The following UBE2F variants were observed in gnomAD, a reference collection of about 807,000 sequenced individuals.
UBE2F encodes ubiquitin conjugating enzyme E2 F (putative).
UBE2F carries 5 observed loss-of-function variants against 29.6 expected under a neutral mutation model. That is an observed-to-expected ratio of 0.17 (90% CI 0.09 to 0.36). The LOEUF is 0.36. Ranked by LOEUF, UBE2F falls within the 10% of genes least tolerant of loss-of-function variation. The pLI is 1.00. For synonymous variants in UBE2F, 66 were observed against 81.8 expected (o/e 0.81, Z 1.04); for missense variants, 141 against 228.5 (o/e 0.62, Z 2.47).
At position 238,019,654 on chromosome 2, in the gene UBE2F, C is replaced by CTT. The variant is rs375103007; in HGVS notation, c.282+3039_282+3040dup. Among the ~76,000 whole-genome samples, 15 of 78,012 alleles carry CTT rather than the reference C, an allele frequency of 1.9e-4. 4 individuals are homozygous for CTT. The highest frequency in any genetic ancestry group is 5.8e-4 in the Admixed American group (3 of 5,130). 51.2% of individuals were successfully genotyped at this position (78,012 alleles called of 152,430 possible). A position where few individuals can be genotyped will look rare whatever the true frequency, so the allele number is the denominator to read the frequency against. On this transcript the variant is annotated intron_variant, in intron 5 of 9. Coordinates refer to ENST00000272930, the MANE Select transcript of UBE2F (RefSeq NM_080678.3). ...GTGCTGGGGAGCCACTGTGCTCAGC[C>CTT]TTTTTTTTTTTTTTTTTTTAATGAG...
intron 2 of UBE2F, among the ~76,000 whole-genome samples, chr2:237,980,670 T>A (rs550843065): frequency 6.6e-6 from 1 of 152,284 alleles, no homozygotes; most frequent in African/African-American, 2.4e-5. Flanking sequence ...AAAGAAACAT[T>A]CTTGGGTCTT....
intron 2 of UBE2F, among the ~76,000 whole-genome samples, chr2:237,981,614 C>CTTTT (rs139270010): frequency 9.6e-5 from 6 of 62,396 alleles, no homozygotes; most frequent in Admixed American, 2.8e-4. Context: ...AATTTGAATT[C>CTTTT]TTTTTTTTTT....
intron 4 of UBE2F, 27 bp downstream of exon 4, chr2:237,994,836 T>A: frequency 6.3e-7 from 1 of 1,595,244 alleles, no homozygotes; most frequent in Non-Finnish European, 8.6e-7. Context: ...AGTATTAAAG[T>A]GATTTCAAAC....
At chr2:238,006,999 G>A (rs1413521942) in intron 4 of UBE2F, among the ~76,000 whole-genome samples, 2 of 152,002 alleles carry the variant, frequency 1.3e-5, no homozygotes, top group African/African-American at 2.4e-5. Context: ...CAGGTGATCC[G>A]CCTGCCTCTG....
chr2:238,032,336 A>G, intron 8 of UBE2F, 82 bp downstream of exon 8: 2 of 1,215,300 alleles, frequency 1.6e-6, no homozygotes, highest in Middle Eastern at 2.3e-4. Context: ...CATGGTTTTA[A>G]CACAAAACCA....
chr2:238,013,867 T>C (rs2064095448), intron 4 of UBE2F, among the ~76,000 whole-genome samples: 1 of 152,194 alleles, frequency 6.6e-6, no homozygotes, highest in Non-Finnish European at 1.5e-5. Context: ...CATTTCATTA[T>C]TGTATTTTAA....
chr2:237,971,700 C>T (rs1247870117), intron 1 of UBE2F, among the ~76,000 whole-genome samples: 1 of 152,136 alleles, frequency 6.6e-6, no homozygotes, highest in African/African-American at 2.4e-5. Context: ...CGATTAATGT[C>T]AGTTTATGTT....
At chr2:237,976,972 A>T (rs2063293453) in intron 2 of UBE2F, among the ~76,000 whole-genome samples, 1 of 152,140 alleles carries the variant, frequency 6.6e-6, no homozygotes, top group Non-Finnish European at 1.5e-5. Context: ...GACAAGCAGA[A>T]ACCAAAGTAG....
At chr2:238,011,414 T>C (rs374923503) in intron 4 of UBE2F, among the ~76,000 whole-genome samples, 30 of 152,298 alleles carry the variant, frequency 2.0e-4, no homozygotes, top group African/African-American at 6.5e-4. Flanking sequence ...TGCAGCCTCT[T>C]CCCACTTTCT....
intron 2 of UBE2F, 62 bp downstream of exon 2, chr2:237,973,287 G>A (rs2063211602): frequency 6.4e-7 from 1 of 1,571,524 alleles, no homozygotes; most frequent in African/African-American, 1.4e-5. Flanking sequence ...TGACTGGAGA[G>A]TCTTTGGGGA....
chr2:238,010,674 G>A (rs773462839), intron 4 of UBE2F, among the ~76,000 whole-genome samples: 3 of 152,128 alleles, frequency 2.0e-5, no homozygotes, highest in Non-Finnish European at 4.4e-5. Flanking sequence ...CTTTGGACCT[G>A]TATAGTCAGT....
intron 5 of UBE2F, 92 bp from the exon 6 acceptor site, chr2:238,025,250 C>T (rs1576633688): frequency 1.3e-5 from 14 of 1,071,934 alleles, no homozygotes; most frequent in Middle Eastern, 4.0e-4. Context: ...ATGAAACAAG[C>T]GTCTAGATAG....
At chr2:238,030,065 G>T (rs1272516210) in intron 6 of UBE2F, among the ~76,000 whole-genome samples, 1 of 151,962 alleles carries the variant, frequency 6.6e-6, no homozygotes, top group Non-Finnish European at 1.5e-5. Flanking sequence ...CCACCTTTGG[G>T]AGTACAGGCG....
intron 4 of UBE2F, among the ~76,000 whole-genome samples, chr2:238,000,938 T>G (rs1396658505): frequency 1.3e-5 from 2 of 152,188 alleles, no homozygotes; most frequent in Non-Finnish European, 2.9e-5. Flanking sequence ...GCTACCTGTA[T>G]ATCTTCTTTG....
intron 4 of UBE2F, among the ~76,000 whole-genome samples, chr2:238,009,811 A>G (rs1337200781): frequency 2.0e-5 from 3 of 152,234 alleles, no homozygotes; most frequent in Non-Finnish European, 4.4e-5. Context: ...TAAAGTTTGC[A>G]TAGGATGTCA....
chr2:237,991,536 T>C (rs552005472), intron 3 of UBE2F, among the ~76,000 whole-genome samples: 1 of 151,856 alleles, frequency 6.6e-6, no homozygotes, highest in African/African-American at 2.4e-5. Context: ...TTCTGGTGCA[T>C]TGAACTGGAA....
intron 4 of UBE2F, among the ~76,000 whole-genome samples, chr2:238,004,903 G>A (rs949043675): frequency 1.3e-5 from 2 of 152,194 alleles, no homozygotes; most frequent in African/African-American, 4.8e-5. Context: ...GGAGATGGAG[G>A]AAGGGCCCAT....
At chr2:237,990,493 C>A (rs1314681211) in intron 3 of UBE2F, 1 of 418,448 alleles carries the variant, frequency 2.4e-6, no homozygotes, top group Non-Finnish European at 4.7e-6. Context: ...GTCTCAACCT[C>A]CTGGGCTCAA....
chr2:238,024,150 A>T (rs2064360062), intron 5 of UBE2F, among the ~76,000 whole-genome samples: 1 of 152,244 alleles, frequency 6.6e-6, no homozygotes, highest in Non-Finnish European at 1.5e-5. Flanking sequence ...AAAGAGGCAT[A>T]AACACATGTA....
Sources: gnomAD v4.1 joint callset for allele counts (sites outside exome capture counted in the v4.1 genomes callset) on GRCh38, gnomAD v4.1.1 for gene constraint, MANE v1.5 for transcripts, NCBI Gene and HGNC (gene_info 2026-07-23, HGNC 2026-07-21) for gene names.